ARPP21: variants seen among roughly 807,000 people sequenced by gnomAD.
The protein encoded by ARPP21 is cAMP regulated phosphoprotein 21.
A neutral mutation model predicts 113.2 loss-of-function variants in ARPP21; 69 were observed. The ratio of observed to expected loss-of-function variants is 0.61; its 90% CI spans 0.50 to 0.74. The LOEUF (loss-of-function observed/expected upper bound fraction) is 0.74, where lower values mean the gene tolerates loss of function less well. Ranked by LOEUF, ARPP21 falls within the 30% of genes least tolerant of loss-of-function variation. The pLI is 0.00. For synonymous variants in ARPP21, 368 were observed against 375.5 expected (o/e 0.98, Z 0.23); for missense variants, 1,070 against 1,037.4 (o/e 1.03, Z -0.43).
intron 19 of ARPP21, among the ~76,000 whole-genome samples, chr3:35,769,090 G>A (rs1448615613): frequency 6.6e-6 from 1 of 152,002 alleles, no homozygotes; most frequent in Admixed American, 6.6e-5. Flanking sequence ...ATATTTATGT[G>A]TATGTGTATA....
chr3:35,671,208 C>G (rs1338904437), intron 1 of ARPP21, among the ~76,000 whole-genome samples: 1 of 152,032 alleles, frequency 6.6e-6, no homozygotes, highest in African/African-American at 2.4e-5. Context: ...GACACTTTTC[C>G]TGCAGTACAT....
intron 19 of ARPP21, among the ~76,000 whole-genome samples, chr3:35,754,153 T>C (rs1018264249): frequency 1.3e-5 from 2 of 151,886 alleles, no homozygotes; most frequent in African/African-American, 4.8e-5. Flanking sequence ...GATTTTTGTC[T>C]TTATACCTTA....
rs1482855821 is a variant in ARPP21, at chr3:35,792,548, G to C, written c.2286+18G>C. The C allele has an allele frequency of 3.7e-6, 6 of 1,613,704 alleles. No homozygotes were observed. Among genetic ancestry groups the C allele is most frequent in the Non-Finnish European group, 5.1e-6 (6 of 1,179,674 alleles). On this transcript the variant is annotated intron_variant, in intron 20 of 20. Transcript: ENST00000684406. The stretch of plus-strand genomic sequence containing the variant: ...CTTATCAGGTGCTCATAAGCAGCTT[G>C]GAAAATTGTGGGTTTTAAAGTAGAA...
chr3:35,724,416 T>C (rs2093370597), intron 14 of ARPP21, among the ~76,000 whole-genome samples: 1 of 152,178 alleles, frequency 6.6e-6, no homozygotes, highest in African/African-American at 2.4e-5. Flanking sequence ...TGTTCCCCCA[T>C]CTTGATCTTC....
chr3:35,700,366 T>A (rs2085888062), intron 9 of ARPP21, among the ~76,000 whole-genome samples: 1 of 151,776 alleles, frequency 6.6e-6, no homozygotes, highest in Admixed American at 6.6e-5. Flanking sequence ...GTATGCTAGT[T>A]TATGCCCATT....
At chr3:35,709,345 GTGTT>G in intron 11 of ARPP21, among the ~76,000 whole-genome samples, 1 of 152,268 alleles carries the variant, frequency 6.6e-6, no homozygotes, top group East Asian at 1.9e-4. Context: ...AATACAGAAA[GTGTT>G]TGTCAGATTT....
intron 1 of ARPP21, among the ~76,000 whole-genome samples, chr3:35,653,571 T>C (rs1329204822): frequency 1.3e-5 from 2 of 152,030 alleles, no homozygotes; most frequent in South Asian, 2.1e-4. Flanking sequence ...TTACATATCT[T>C]TGGGACACAC....
intron 9 of ARPP21, among the ~76,000 whole-genome samples, chr3:35,695,539 C>T (rs181943422): frequency 2.0e-5 from 3 of 151,616 alleles, no homozygotes; most frequent in East Asian, 2.0e-4. Context: ...AAAGTAGACA[C>T]GTAACAAATG....
chr3:35,755,727 G>A (rs1468149333), intron 19 of ARPP21, among the ~76,000 whole-genome samples: 1 of 152,112 alleles, frequency 6.6e-6, no homozygotes, highest in Non-Finnish European at 1.5e-5. Context: ...GTAGCAATTA[G>A]TTGTGACAAA....
At chr3:35,757,494 T>A (rs1298355102) in intron 19 of ARPP21, among the ~76,000 whole-genome samples, 1 of 151,956 alleles carries the variant, frequency 6.6e-6, no homozygotes, top group African/African-American at 2.4e-5. Context: ...AACAATCCAA[T>A]GACAAAAAAA....
chr3:35,791,700 TTATC>T (rs577270952), intron 19 of ARPP21, among the ~76,000 whole-genome samples: 3 of 152,164 alleles, frequency 2.0e-5, no homozygotes, highest in East Asian at 1.9e-4. Flanking sequence ...GTATTCTTTA[TTATC>T]TATTATATGT....
chr3:35,649,643 A>C (rs1701616443), intron 1 of ARPP21, among the ~76,000 whole-genome samples: 1 of 152,264 alleles, frequency 6.6e-6, no homozygotes, highest in African/African-American at 2.4e-5. Flanking sequence ...GCAAGTAGGC[A>C]GTGCTGAATT....
chr3:35,717,701 A>G (rs1372583046), intron 13 of ARPP21, among the ~76,000 whole-genome samples: 1 of 152,122 alleles, frequency 6.6e-6, no homozygotes, highest in African/African-American at 2.4e-5. Flanking sequence ...ATACATTCTC[A>G]ACACTGGAAA....
intron 19 of ARPP21, chr3:35,774,919 G>C (rs2096310360): frequency 6.6e-6 from 1 of 152,024 alleles, no homozygotes; most frequent in South Asian, 2.1e-4. Context: ...TTTCTTAGTA[G>C]TGCCCTGTTC....
intron 9 of ARPP21, 35 bp from the exon 10 acceptor site, chr3:35,706,939 A>G: frequency 6.5e-7 from 1 of 1,541,350 alleles, no homozygotes; most frequent in Non-Finnish European, 8.9e-7. Context: ...AAGGGGGAAA[A>G]ACTTTTTTAT....
rs182397746 is a variant in ARPP21, at chr3:35,706,062, G to A, written c.687-912G>A. Among the ~76,000 whole-genome samples the A allele has an allele frequency of 4.4e-3, 676 of 152,154 alleles. 6 individuals carry two copies. Among genetic ancestry groups the A allele is most frequent in the African/African-American group, 0.015 (627 of 41,536 alleles). Reference sequence around the variant, plus strand: ...ACTCAAAGCATAATGAACGCTGTAGGGACAGAAAACCTTCTAGGCTTCAGA... The same window carrying A: ...ACTCAAAGCATAATGAACGCTGTAGAGACAGAAAACCTTCTAGGCTTCAGA... On this transcript the variant is annotated intron_variant, in intron 9 of 20. Coordinates refer to ENST00000684406, the MANE Select transcript of ARPP21 (RefSeq NM_001385562.1).
intron 9 of ARPP21, among the ~76,000 whole-genome samples, chr3:35,700,612 T>G (rs1276409319): frequency 6.6e-6 from 1 of 151,704 alleles, no homozygotes; most frequent in African/African-American, 2.4e-5. Context: ...AAGAAATTAG[T>G]ACCCTGGAGC....
intron 19 of ARPP21, among the ~76,000 whole-genome samples, chr3:35,748,067 GAAGAAAGAAAGAAAGAAAGAAAGA>G (rs71622571): frequency 1.2e-5 from 1 of 86,884 alleles, no homozygotes; most frequent in Non-Finnish European, 2.3e-5. Flanking sequence ...AAGAAGGAAG[GAAGAAAGAAAGAAAGAAAGAAAGA>G]AAGAAAGAAA....
intron 1 of ARPP21, among the ~76,000 whole-genome samples, chr3:35,645,293 G>T (rs1699779249): frequency 6.6e-6 from 1 of 151,730 alleles, no homozygotes; most frequent in South Asian, 2.1e-4. Context: ...AAAATATTAA[G>T]ATTTTGTTAA....
Sources: gnomAD v4.1 joint callset for allele counts (sites outside exome capture counted in the v4.1 genomes callset) on GRCh38, gnomAD v4.1.1 for gene constraint, MANE v1.5 for transcripts, NCBI Gene and HGNC (gene_info 2026-07-23, HGNC 2026-07-21) for gene names.